Variants in FUT8 observed in about 807,000 individuals in gnomAD.
FUT8 encodes the protein alpha-(1,6)-fucosyltransferase.
In FUT8, 29 loss-of-function variants were observed where a neutral mutation model predicts 71.3. The observed-to-expected ratio is 0.41, with a 90% CI of 0.30 to 0.55. The LOEUF (loss-of-function observed/expected upper bound fraction) is 0.55, where lower values mean the gene tolerates loss of function less well. FUT8 is among the 20% of genes least tolerant of loss of function. FUT8 has a pLI of 0.34. For missense variants in FUT8, 544 were observed against 702.1 expected, an observed-to-expected ratio of 0.77 and a Z score of 2.55; for synonymous variants, 254 against 239.3, an observed-to-expected ratio of 1.06 and a Z score of -0.57.
chr14:65,372,561 G>A, the FUT8 span, among the ~76,000 whole-genome samples: 5 of 151,634 alleles, frequency 3.3e-5, no homozygotes, highest in African/African-American at 9.7e-5. Context: ...GATTACAGGC[G>A]CCCACCACCA....
At chr14:65,509,302 A>T in intron 2 of FUT8, among the ~76,000 whole-genome samples, 1 of 151,716 alleles carries the variant, frequency 6.6e-6, no homozygotes, top group Non-Finnish European at 1.5e-5. Context: ...TGCCAGTACC[A>T]TGTTGTTTTG....
At position 65,607,130 on chromosome 14, in the gene FUT8, A is replaced by G. The variant is rs1221668660; in HGVS notation, c.204-8848A>G. Among the ~76,000 whole-genome samples the G allele has an allele frequency of 6.6e-6, 1 of 151,924 alleles. No homozygotes were observed. The highest frequency in any genetic ancestry group is 1.5e-5 in the Non-Finnish European group (1 of 67,882). On this transcript the variant is annotated intron_variant, in intron 3 of 10. Transcript: ENST00000673929. The surrounding 1 kb of genome is among the most constrained non-coding windows in gnomAD (Gnocchi z 4.1). ...TAGATTATCTTGGATTTTCTGTATT[A>G]AAGTTTATATTATCTGAATAACATT...
chr14:65,412,299 A>C (rs772742079), upstream of FUT8: 1 of 456,696 alleles, frequency 2.2e-6, no homozygotes. Context: ...CGCACCCCTA[A>C]AAGTAGCAAG....
intron 2 of FUT8, among the ~76,000 whole-genome samples, chr14:65,552,672 T>C (rs954884962): frequency 2.0e-5 from 3 of 152,208 alleles, no homozygotes; most frequent in Non-Finnish European, 4.4e-5. Flanking sequence ...ATGTGCTCCC[T>C]TCTCTACTGC....
At chr14:65,650,308 A>C (rs1594859718) in intron 6 of FUT8, among the ~76,000 whole-genome samples, 6 of 145,490 alleles carry the variant, frequency 4.1e-5, no homozygotes. Context: ...CAAAAAAAAA[A>C]AAAAAAAAAA....
At chr14:65,469,882 G>A (rs958950775) in intron 2 of FUT8, among the ~76,000 whole-genome samples, 3 of 152,190 alleles carry the variant, frequency 2.0e-5, no homozygotes, top group African/African-American at 4.8e-5. Flanking sequence ...GTGGCCATGG[G>A]TGGGCTGGAA....
rs750078645 is a variant in FUT8, at chr14:65,721,896, G to T, written c.957G>T (p.Val319=). ...PEDLADRLVR[V]HGDPAVWWVS... The stretch of plus-strand genomic sequence containing the variant: ...ACCTCGCAGATCGACTTGTACGAGT[G>T]CATGGTGACCCTGCAGTGTGGTGGG... Residue 319 remains valine (V), a synonymous_variant, in exon 8 of 11, where the codon GTG becomes GTT. Transcript: ENST00000673929. 8 of 1,614,084 alleles carry T rather than the reference G, an allele frequency of 5.0e-6. No individual in the cohort carries two copies. In the East Asian group the frequency reaches 8.9e-5, roughly 18 times the overall value.
At chr14:65,699,677 A>G (rs1419284400) in intron 7 of FUT8, among the ~76,000 whole-genome samples, 2 of 152,132 alleles carry the variant, frequency 1.3e-5, no homozygotes, top group Non-Finnish European at 2.9e-5. Flanking sequence ...GATCAGTTAT[A>G]CTTTCTGCTC....
At chr14:65,423,222 G>A (rs952001033) in intron 1 of FUT8, among the ~76,000 whole-genome samples, 8 of 149,510 alleles carry the variant, frequency 5.4e-5, no homozygotes, top group African/African-American at 2.0e-4. Context: ...CTGACCTTGT[G>A]ATCTGCCCAC....
At chr14:65,586,240 G>T (rs1049998832) in intron 3 of FUT8, among the ~76,000 whole-genome samples, 1 of 152,112 alleles carries the variant, frequency 6.6e-6, no homozygotes, top group Non-Finnish European at 1.5e-5. Context: ...TTCAAAGAGG[G>T]GGAAATCAGG....
At chr14:65,604,976 C>T (rs192859816) in intron 3 of FUT8, among the ~76,000 whole-genome samples, 5 of 151,860 alleles carry the variant, frequency 3.3e-5, no homozygotes, top group Admixed American at 3.3e-4. Context: ...ATGTATCATC[C>T]TACATATATG....
At chr14:65,460,710 A>G (rs2139581699) in intron 2 of FUT8, among the ~76,000 whole-genome samples, 1 of 152,262 alleles carries the variant, frequency 6.6e-6, no homozygotes, top group South Asian at 2.1e-4. Context: ...ACACCTAAAA[A>G]AATCTTTGGT....
intron 10 of FUT8, among the ~76,000 whole-genome samples, chr14:65,739,655 C>A (rs1243689711): frequency 6.6e-6 from 1 of 151,922 alleles, no homozygotes; most frequent in Non-Finnish European, 1.5e-5. Flanking sequence ...GGTGAAGACA[C>A]CCTGAAAAGA....
chr14:65,649,658 A>G (rs1040702063), intron 6 of FUT8, among the ~76,000 whole-genome samples: 1 of 152,260 alleles, frequency 6.6e-6, no homozygotes, highest in Non-Finnish European at 1.5e-5. Flanking sequence ...TACACACTAC[A>G]GAGGCTTTGA....
intron 2 of FUT8, among the ~76,000 whole-genome samples, chr14:65,542,804 C>T (rs139612141): frequency 7.3e-5 from 11 of 151,228 alleles, no homozygotes; most frequent in African/African-American, 1.2e-4. Context: ...TTTTTTGAGA[C>T]GGAGTTTTGC....
At chr14:65,433,331 A>G (rs1054986975) in intron 1 of FUT8, among the ~76,000 whole-genome samples, 2 of 152,224 alleles carry the variant, frequency 1.3e-5, no homozygotes, top group Non-Finnish European at 2.9e-5. Flanking sequence ...AGGATATGGT[A>G]CATAGTGATG....
chr14:65,669,280 G>A lies in FUT8; in HGVS notation c.635G>A (p.Cys212Tyr). 6.2e-7 allele frequency: 1 copy of A among 1,613,804 alleles called. No homozygotes were observed. Among genetic ancestry groups the A allele is most frequent in the Non-Finnish European group, 8.5e-7 (1 of 1,179,866 alleles). Reference sequence around the variant, plus strand: ...TGCAGCAAAGCCAAAAAGCTGGTGTGTAATATCAACAAAGGCTGTGGCTAT... The same window carrying A: ...TGCAGCAAAGCCAAAAAGCTGGTGTATAATATCAACAAAGGCTGTGGCTAT... ...KDCSKAKKLV[C>Y]NINKGCGYGC... Residue 212 changes from cysteine to tyrosine, a missense_variant, in exon 7 of 11, where the codon TGT becomes TAT. By Grantham distance (194) the Cys-to-Tyr change is radical. Transcript: ENST00000673929. This position sits in a 1 kb window ranked among gnomAD's most constrained non-coding sequence, Gnocchi z 4.5.
At chr14:65,715,062 C>T (rs1382510935) in intron 7 of FUT8, among the ~76,000 whole-genome samples, 1 of 152,044 alleles carries the variant, frequency 6.6e-6, no homozygotes, top group African/African-American at 2.4e-5. Context: ...TTTTGGACAC[C>T]CTTTATTTCT....
the FUT8 span, among the ~76,000 whole-genome samples, chr14:65,370,293 C>T: frequency 0.018 from 2,652 of 149,806 alleles, 84 homozygotes; most frequent in African/African-American, 0.062. Context: ...CTGCAAGCTC[C>T]GCCTCCCGGG....
Sources: allele counts gnomAD v4.1 joint callset (sites outside exome capture counted in the v4.1 genomes callset), GRCh38; gene constraint gnomAD v4.1.1; non-coding constraint Gnocchi (gnomAD v3.1); transcripts MANE v1.5; gene names NCBI Gene and HGNC (gene_info 2026-07-23, HGNC 2026-07-21).